Variants in SLC24A3 observed in about 807,000 individuals in gnomAD.
SLC24A3 encodes solute carrier family 24 member 3, also known as sodium/potassium/calcium exchanger 3.
Under a neutral mutation model 75.8 loss-of-function variants are expected in SLC24A3, and 28 were observed. That is an observed-to-expected ratio of 0.37 (90% CI 0.27 to 0.51). The LOEUF (loss-of-function observed/expected upper bound fraction) is 0.51. SLC24A3 is among the 20% of genes least tolerant of loss of function. The probability of loss-of-function intolerance (pLI) is 0.94; values close to 1 mark genes in which losing one functional copy is unlikely to be tolerated. For missense variants in SLC24A3, 663 were observed against 847.8 expected, an observed-to-expected ratio of 0.78 and a Z score of 2.71; for synonymous variants, 372 against 334.1, an observed-to-expected ratio of 1.11 and a Z score of -1.24.
intron 8 of SLC24A3, among the ~76,000 whole-genome samples, chr20:19,669,299 C>T (rs2032436879): frequency 1.3e-5 from 2 of 152,014 alleles, no homozygotes; most frequent in Non-Finnish European, 2.9e-5. Context: ...GTTAGGAGTT[C>T]GAGACCAGCC....
rs376578374 is a variant in SLC24A3, at chr20:19,580,065, G to T, written c.414G>T (p.Lys138Asn). ...ACTTCTTCGTCCCTTCCTTGGAAAA[G>T]ATCTGTGAGGTACGTGCCTCACATT... is the stretch of plus-strand genomic sequence containing the variant. The part of the protein sequence containing the change: ...CDDFFVPSLE[K>N]ICERLHLSED... Residue 138 changes from lysine (K) to asparagine (N), a missense_variant, in exon 4 of 17, where the codon AAG becomes AAT. Transcript: ENST00000328041. 9.3e-6 allele frequency: 15 copies of T among 1,613,644 alleles called. No homozygotes were observed. The highest frequency in any genetic ancestry group is 1.3e-5 in the African/African-American group (1 of 75,024).
intron 1 of SLC24A3, among the ~76,000 whole-genome samples, chr20:19,244,816 G>A (rs1048402515): frequency 6.6e-6 from 1 of 152,194 alleles, no homozygotes; most frequent in African/African-American, 2.4e-5. Context: ...CAGCAGAGCT[G>A]AACTTAGAAG....
chr20:19,216,760 A>G (rs540833762), intron 1 of SLC24A3, among the ~76,000 whole-genome samples: 1 of 152,350 alleles, frequency 6.6e-6, no homozygotes, highest in African/African-American at 2.4e-5. Flanking sequence ...CTATTGCTGC[A>G]TAACAAGTCA....
intron 2 of SLC24A3, among the ~76,000 whole-genome samples, chr20:19,354,110 CTCAATAGTT>C (rs2122329126): frequency 6.6e-6 from 1 of 152,310 alleles, no homozygotes; most frequent in South Asian, 2.1e-4. Context: ...TGGAAAGCTA[CTCAATAGTT>C]TCAAAGAATG....
chr20:19,394,703 C>G (rs1986423723), intron 2 of SLC24A3, among the ~76,000 whole-genome samples: 1 of 152,084 alleles, frequency 6.6e-6, no homozygotes, highest in Non-Finnish European at 1.5e-5. Context: ...AAAAAACAAA[C>G]AAAACAGAAA....
intron 7 of SLC24A3, among the ~76,000 whole-genome samples, chr20:19,658,879 A>G (rs931589902): frequency 6.6e-6 from 1 of 152,194 alleles, no homozygotes; most frequent in Non-Finnish European, 1.5e-5. Context: ...AACTCTGGGT[A>G]TCTCCGGCCT....
chr20:19,231,716 G>A (rs1600385134), intron 1 of SLC24A3, among the ~76,000 whole-genome samples: 3 of 152,200 alleles, frequency 2.0e-5, no homozygotes, highest in East Asian at 1.9e-4. Flanking sequence ...AAGCCAGTAA[G>A]TTTGTGGTAA....
intron 2 of SLC24A3, among the ~76,000 whole-genome samples, chr20:19,410,067 T>C (rs1360744380): frequency 6.6e-6 from 1 of 152,040 alleles, no homozygotes; most frequent in East Asian, 1.9e-4. Flanking sequence ...TCAGACGAAA[T>C]TCATCGCACA....
rs539149629 is a variant in SLC24A3 at position 19,252,813 on chromosome 20, A to C, written c.143-28146A>C. Among the ~76,000 whole-genome samples, 12 of 152,316 alleles carry C rather than the reference A, an allele frequency of 7.9e-5. No individual in the cohort carries two copies. The South Asian group carries it at 2.5e-3, about 32-fold the overall frequency. ...ATAAACTTCTTGGGATCCTCCAGTG[A>C]AGCCTCCAGTATGGGGGAGGGGTCA... is the stretch of plus-strand genomic sequence containing the variant. On this transcript the variant is annotated intron_variant, in intron 1 of 16. Coordinates refer to ENST00000328041, the MANE Select transcript of SLC24A3 (RefSeq NM_020689.4).
Position 19,603,344 on chromosome 20 carries a change from G to A in SLC24A3, c.612+17800G>A, listed in dbSNP as rs147444995. Among the ~76,000 whole-genome samples the A allele has an allele frequency of 9.5e-4, 145 of 152,274 alleles. 1 individual carries two copies. Among genetic ancestry groups the A allele is most frequent in the African/African-American group, 3.2e-3 (135 of 41,554 alleles). On this transcript the variant is annotated intron_variant, in intron 6 of 16. Transcript: ENST00000328041. ...GGGTGATGGCATATGCTGAATTTTG[G>A]CATCTTCAACTTTGTGTACCCTAAT... is the stretch of plus-strand genomic sequence containing the variant.
chr20:19,478,251 C>T (rs141812714), intron 2 of SLC24A3, among the ~76,000 whole-genome samples: 3 of 152,296 alleles, frequency 2.0e-5, no homozygotes, highest in African/African-American at 7.2e-5. Flanking sequence ...AGTGCAGGCT[C>T]AGAGCCTTAT....
At chr20:19,581,757 G>C (rs1450447348) in intron 4 of SLC24A3, among the ~76,000 whole-genome samples, 1 of 152,162 alleles carries the variant, frequency 6.6e-6, no homozygotes, top group Non-Finnish European at 1.5e-5. Context: ...TCAAGGGATA[G>C]AGTCACTATT....
intron 6 of SLC24A3, among the ~76,000 whole-genome samples, chr20:19,598,975 A>G (rs2122651524): frequency 6.6e-6 from 1 of 152,256 alleles, no homozygotes; most frequent in South Asian, 2.1e-4. Context: ...TTAAATTAAA[A>G]ATAGTTTTCA....
chr20:19,660,296 C>G (rs2032312258), intron 7 of SLC24A3, among the ~76,000 whole-genome samples: 1 of 151,986 alleles, frequency 6.6e-6, no homozygotes, highest in Non-Finnish European at 1.5e-5. Context: ...TCCCACCCCC[C>G]CACCTTCTAA....
chr20:19,574,241 A>G (rs1448055557), intron 3 of SLC24A3, among the ~76,000 whole-genome samples: 1 of 152,170 alleles, frequency 6.6e-6, no homozygotes, highest in African/African-American at 2.4e-5. Context: ...CTGGAAGTTT[A>G]CTTTGTCATT....
intron 2 of SLC24A3, among the ~76,000 whole-genome samples, chr20:19,394,019 A>G (rs1986408060): frequency 6.6e-6 from 1 of 152,206 alleles, no homozygotes; most frequent in African/African-American, 2.4e-5. Context: ...ACATAGATCA[A>G]TGGAATAGAA....
chr20:19,634,880 G>A (rs757182879), intron 6 of SLC24A3, among the ~76,000 whole-genome samples: 29 of 152,184 alleles, frequency 1.9e-4, no homozygotes, highest in South Asian at 4.1e-4. Flanking sequence ...AAATGATACC[G>A]CAAAAATTTT....
At chr20:19,224,099 A>G (rs1334290840) in intron 1 of SLC24A3, among the ~76,000 whole-genome samples, 1 of 147,970 alleles carries the variant, frequency 6.8e-6, no homozygotes, top group Non-Finnish European at 1.5e-5. Flanking sequence ...GGACTACTGT[A>G]CCCATGTGGT....
At chr20:19,251,985 G>C (rs759754515) in intron 1 of SLC24A3, among the ~76,000 whole-genome samples, 4 of 152,038 alleles carry the variant, frequency 2.6e-5, no homozygotes, top group African/African-American at 4.8e-5. Context: ...TGTATATCCT[G>C]AACGCCACCT....
Sources: allele counts gnomAD v4.1 joint callset (sites outside exome capture counted in the v4.1 genomes callset), GRCh38; gene constraint gnomAD v4.1.1; transcripts MANE v1.5; gene names NCBI Gene and HGNC (gene_info 2026-07-23, HGNC 2026-07-21).